ARHGAP24: variants seen among roughly 807,000 people sequenced by gnomAD.
ARHGAP24 encodes the protein Rho GTPase activating protein 24, also known as rho GTPase-activating protein 24.
In ARHGAP24, 50 loss-of-function variants were observed where a neutral mutation model predicts 76.4. The ratio of observed to expected loss-of-function variants is 0.65; its 90% CI spans 0.52 to 0.83. The LOEUF (loss-of-function observed/expected upper bound fraction) is 0.83. Ranked by LOEUF, ARHGAP24 falls within the 40% of genes least tolerant of loss-of-function variation. The pLI, the probability that ARHGAP24 is intolerant of heterozygous loss-of-function variation, is 0.00. For missense variants in ARHGAP24, 930 were observed against 914.2 expected (o/e 1.02, Z -0.22); for synonymous variants, 345 against 323.3 (o/e 1.07, Z -0.72).
chr4:85,760,941 T>G (rs1308994984), intron 3 of ARHGAP24, among the ~76,000 whole-genome samples: 3 of 152,166 alleles, frequency 2.0e-5, no homozygotes, highest in Non-Finnish European at 4.4e-5. Context: ...CTTAACTACC[T>G]GACACTGCTG....
At chr4:85,541,142 CTTTTTTTTTTTTTTT>C (rs70948733) in intron 1 of ARHGAP24, among the ~76,000 whole-genome samples, 1 of 49,740 alleles carries the variant, frequency 2.0e-5, no homozygotes, top group African/African-American at 1.1e-4. Context: ...CATCCATGAC[CTTTTTTTTTTTTTTT>C]TTTTTTTTTT....
chr4:85,503,845 T>G (rs867091804), intron 1 of ARHGAP24, among the ~76,000 whole-genome samples: 1 of 152,362 alleles, frequency 6.6e-6, no homozygotes. Flanking sequence ...CTTTCTCTTG[T>G]GGGCATTTAG....
At chr4:85,918,842 G>A (rs1051817051) in intron 3 of ARHGAP24, among the ~76,000 whole-genome samples, 1 of 152,134 alleles carries the variant, frequency 6.6e-6, no homozygotes, top group Non-Finnish European at 1.5e-5. Flanking sequence ...TGGTTGATGT[G>A]TCAACAGTAG....
intron 2 of ARHGAP24, among the ~76,000 whole-genome samples, chr4:85,590,382 T>C (rs565982309): frequency 5.5e-4 from 84 of 151,788 alleles, no homozygotes; most frequent in African/African-American, 2.0e-3. Flanking sequence ...TTTTTTGAGA[T>C]GGAGTCTCGC....
At chr4:85,518,267 T>A (rs1478245892) in intron 1 of ARHGAP24, among the ~76,000 whole-genome samples, 1 of 152,142 alleles carries the variant, frequency 6.6e-6, no homozygotes, top group Non-Finnish European at 1.5e-5. Context: ...TTTAGCTAAC[T>A]AGGAAAATTG....
chr4:85,844,357 T>C lies in ARHGAP24; in HGVS notation c.269-79291T>C, dbSNP rs571513406. On this transcript the variant is annotated intron_variant, in intron 3 of 9. Coordinates refer to ENST00000395184, the MANE Select transcript of ARHGAP24 (RefSeq NM_001025616.3). ...ACACAGCTCTGTAGCCTACATATTA[T>C]AAGCTATTAGTAAATATTTATTGAG... is the stretch of plus-strand genomic sequence containing the variant. Among the ~76,000 whole-genome samples, 16 of 152,352 alleles carry C rather than the reference T, an allele frequency of 1.1e-4. No homozygotes were observed. The South Asian group carries it at 3.1e-3, about 30-fold the overall frequency.
At chr4:85,805,023 G>A (rs78906774) in intron 3 of ARHGAP24, among the ~76,000 whole-genome samples, 38 of 152,112 alleles carry the variant, frequency 2.5e-4, no homozygotes, top group East Asian at 1.2e-3. Flanking sequence ...AGATACATGC[G>A]GACAAAACAA....
At chr4:85,926,035 T>G (rs532220229) in intron 4 of ARHGAP24, among the ~76,000 whole-genome samples, 1 of 142,280 alleles carries the variant, frequency 7.0e-6, no homozygotes, top group African/African-American at 2.6e-5. Context: ...CTCTTCCATC[T>G]GTGACTTCCT....
chr4:85,626,700 C>A (rs7659175), intron 2 of ARHGAP24, among the ~76,000 whole-genome samples: 1 of 151,902 alleles, frequency 6.6e-6, no homozygotes, highest in Non-Finnish European at 1.5e-5. Context: ...CTCCCCATCA[C>A]TTTCAGGTAC....
chr4:85,520,102 G>T (rs1724679115), intron 1 of ARHGAP24, among the ~76,000 whole-genome samples: 1 of 152,040 alleles, frequency 6.6e-6, no homozygotes. Flanking sequence ...AACATCCTTG[G>T]CTTCCTTTCT....
intron 9 of ARHGAP24, 87 bp downstream of exon 9, chr4:85,995,744 C>G: frequency 7.6e-7 from 1 of 1,317,874 alleles, no homozygotes; most frequent in South Asian, 1.2e-5. Context: ...GTGACATATG[C>G]TGGCTCCAAA....
At chr4:85,794,683 A>C (rs539132420) in intron 3 of ARHGAP24, among the ~76,000 whole-genome samples, 1 of 152,172 alleles carries the variant, frequency 6.6e-6, no homozygotes, top group South Asian at 2.1e-4. Flanking sequence ...GGGTTTCGCC[A>C]TGTTGGCCAG....
chr4:85,598,746 G>GT lies in ARHGAP24; in HGVS notation c.180+28038dup, dbSNP rs1195616574. Among the ~76,000 whole-genome samples, 1,130 of 133,120 alleles carry GT rather than the reference G, an allele frequency of 8.5e-3. 2 individuals carry two copies. Among genetic ancestry groups the GT allele is most frequent in the Middle Eastern group, 0.045 (12 of 266 alleles). The allele number at this position is 133,120 out of a possible 152,430, so 87.3% of individuals were successfully genotyped here. ...ATTTTTGAAATCACTGTTTTGTTTTGTTTTTTTTTTTTTACAATATTCCTC... is the reference window on the plus strand; with the variant it reads ...ATTTTTGAAATCACTGTTTTGTTTTGTTTTTTTTTTTTTTACAATATTCCTC... On this transcript the variant is annotated intron_variant, in intron 2 of 9. Transcript: ENST00000395184.
At chr4:85,689,748 T>G (rs942016265) in intron 2 of ARHGAP24, among the ~76,000 whole-genome samples, 1 of 152,338 alleles carries the variant, frequency 6.6e-6, no homozygotes. Flanking sequence ...CATTTATTAG[T>G]TCTAGGAGCC....
intron 9 of ARHGAP24, among the ~76,000 whole-genome samples, chr4:85,999,282 C>T (rs1398879958): frequency 1.3e-5 from 2 of 152,130 alleles, no homozygotes; most frequent in Non-Finnish European, 2.9e-5. Flanking sequence ...ATAGTACCAA[C>T]TTTTCATGTA....
At chr4:85,978,280 T>G (rs1418665323) in intron 8 of ARHGAP24, among the ~76,000 whole-genome samples, 1 of 152,234 alleles carries the variant, frequency 6.6e-6, no homozygotes, top group Non-Finnish European at 1.5e-5. Flanking sequence ...ATTTATGATT[T>G]CAGAATTTAA....
chr4:85,822,530 G>A (rs919660522), intron 3 of ARHGAP24, among the ~76,000 whole-genome samples: 4 of 152,176 alleles, frequency 2.6e-5, no homozygotes, highest in African/African-American at 9.7e-5. Flanking sequence ...CATCAGCAAT[G>A]TAATCTCTCC....
intron 3 of ARHGAP24, among the ~76,000 whole-genome samples, chr4:85,748,818 A>G (rs1369462690): frequency 6.6e-6 from 1 of 152,196 alleles, no homozygotes; most frequent in Non-Finnish European, 1.5e-5. Context: ...CAGGTACTCA[A>G]AGAAAACTTG....
chr4:85,707,817 C>A (rs998641564), intron 2 of ARHGAP24, among the ~76,000 whole-genome samples: 1 of 152,100 alleles, frequency 6.6e-6, no homozygotes, highest in Non-Finnish European at 1.5e-5. Flanking sequence ...GAAAAGGAGA[C>A]CAGCATGACT....
Sources: allele counts gnomAD v4.1 joint callset (sites outside exome capture counted in the v4.1 genomes callset), GRCh38; gene constraint gnomAD v4.1.1; transcripts MANE v1.5; gene names NCBI Gene and HGNC (gene_info 2026-07-23, HGNC 2026-07-21).